Variants in EFCAB6 observed in about 807,000 individuals in gnomAD.
EFCAB6 encodes EF-hand calcium-binding domain-containing protein 6.
EFCAB6 carries 156 observed loss-of-function variants against 169.8 expected under a neutral mutation model. The observed-to-expected ratio is 0.92, with a 90% CI of 0.81 to 1.05. The LOEUF is 1.05. Among genes scored for constraint, EFCAB6 ranks in the 50% least tolerant of loss-of-function variants. The pLI is 0.00. For missense variants in EFCAB6, 1,800 were observed against 1,829.1 expected (o/e 0.98, Z 0.29); for synonymous variants, 698 against 676.4 (o/e 1.03, Z -0.50).
rs140180581 is a variant in EFCAB6, at chr22:43,643,694, G to A, written c.1984-8478C>T. Among the ~76,000 whole-genome samples, 316 of 152,354 alleles carry A rather than the reference G, an allele frequency of 2.1e-3. 1 individual carries two copies. Among genetic ancestry groups the A allele is most frequent in the African/African-American group, 7.4e-3 (307 of 41,586 alleles). On this transcript the variant is annotated intron_variant, in intron 17 of 31. Transcript: ENST00000262726. ...GCACCGTCCACAGAGGACACACTAG[G>A]TTTGTTTCTTCACCAACTGTTGTGT...
At chr22:43,668,216 A>G (rs942272317) in intron 16 of EFCAB6, among the ~76,000 whole-genome samples, 1 of 152,248 alleles carries the variant, frequency 6.6e-6, no homozygotes, top group Non-Finnish European at 1.5e-5. Flanking sequence ...TAAAAGGGCT[A>G]TGACAAAGTG....
chr22:43,741,296 C>T (rs1038694875), intron 6 of EFCAB6, among the ~76,000 whole-genome samples: 2 of 151,972 alleles, frequency 1.3e-5, no homozygotes, highest in Non-Finnish European at 2.9e-5. Context: ...CCGCTATGAG[C>T]TCCTATTTAT....
intron 20 of EFCAB6, among the ~76,000 whole-genome samples, chr22:43,617,364 A>T (rs1024557174): frequency 1.3e-5 from 2 of 152,224 alleles, no homozygotes; most frequent in Non-Finnish European, 2.9e-5. Context: ...GTGCTATCTC[A>T]GCAAAGTCAG....
intron 25 of EFCAB6, among the ~76,000 whole-genome samples, chr22:43,580,054 G>A (rs1472728227): frequency 2.6e-5 from 4 of 152,088 alleles, no homozygotes; most frequent in Admixed American, 2.6e-4. Context: ...CTTGCTCCTG[G>A]AGGACTTCAC....
intron 17 of EFCAB6, among the ~76,000 whole-genome samples, chr22:43,657,831 A>G (rs2056820702): frequency 6.6e-6 from 1 of 152,220 alleles, no homozygotes; most frequent in African/African-American, 2.4e-5. Flanking sequence ...AAGACTAACA[A>G]AACTGACAGA....
chr22:43,597,374 T>C (rs529640811), intron 23 of EFCAB6, among the ~76,000 whole-genome samples: 78 of 152,162 alleles, frequency 5.1e-4, no homozygotes, highest in Middle Eastern at 3.4e-3. Flanking sequence ...CCAGAATATA[T>C]GAGGAACTCT....
intron 10 of EFCAB6, among the ~76,000 whole-genome samples, chr22:43,692,096 T>G (rs2147191756): frequency 6.6e-6 from 1 of 151,064 alleles, no homozygotes; most frequent in Middle Eastern, 3.4e-3. Flanking sequence ...ATCCCCAAAT[T>G]CTATCTAACT....
At chr22:43,685,511 A>T (rs1379655448) in intron 11 of EFCAB6, among the ~76,000 whole-genome samples, 1 of 152,222 alleles carries the variant, frequency 6.6e-6, no homozygotes, top group Non-Finnish European at 1.5e-5. Context: ...TTAGTGTGTG[A>T]GCATTGTGTG....
rs751791814 is a variant in EFCAB6 at position 43,530,928 on chromosome 22, CAGAGT to C, written c.4265_4269del (p.Tyr1422CysfsTer24). 234 of 1,614,214 alleles carry C rather than the reference CAGAGT, an allele frequency of 1.4e-4. 2 individuals carry two copies. The East Asian group carries it at 4.7e-3, about 33-fold the overall frequency. Reference sequence around the variant, plus strand: ...ATTTTGGGCTGAATACGCAGCAGAGCAGAGTAAAAAGATGGCGTCTCCGCGCCGGC... The same window carrying C: ...ATTTTGGGCTGAATACGCAGCAGAGCAAAAAGATGGCGTCTCCGCGCCGGC... On this transcript the variant is annotated frameshift_variant, in exon 31 of 32. Coordinates refer to ENST00000262726, the MANE Select transcript of EFCAB6 (RefSeq NM_022785.4). LOFTEE classifies it high-confidence loss of function.
At chr22:43,812,119 C>T (rs886188046) in intron 1 of EFCAB6, 49 bp downstream of exon 1, 59 of 152,322 alleles carry the variant, frequency 3.9e-4, no homozygotes, top group African/African-American at 1.2e-3. Flanking sequence ...CCCGCCCGGC[C>T]CCTCCTCGGC....
chr22:43,736,537 T>C (rs1396270727), intron 6 of EFCAB6, among the ~76,000 whole-genome samples: 1 of 152,128 alleles, frequency 6.6e-6, no homozygotes, highest in Non-Finnish European at 1.5e-5. Flanking sequence ...CCTGTGGATC[T>C]GCAGGGAGCA....
chr22:43,566,453 C>A (rs2049435770), intron 26 of EFCAB6, among the ~76,000 whole-genome samples: 1 of 152,196 alleles, frequency 6.6e-6, no homozygotes, highest in Non-Finnish European at 1.5e-5. Context: ...TACCAGTGGC[C>A]TTCCTTCCTG....
intron 6 of EFCAB6, among the ~76,000 whole-genome samples, chr22:43,747,429 G>C (rs908000993): frequency 6.6e-6 from 1 of 152,194 alleles, no homozygotes; most frequent in Non-Finnish European, 1.5e-5. Context: ...CAAATCTGCA[G>C]GACCTAGTGG....
At chr22:43,647,254 T>C (rs1037076548) in intron 17 of EFCAB6, among the ~76,000 whole-genome samples, 2 of 151,928 alleles carry the variant, frequency 1.3e-5, no homozygotes, top group East Asian at 3.9e-4. Flanking sequence ...AGAATTTATT[T>C]AGGGAAAAAA....
At chr22:43,530,110 G>A (rs2046969798) in intron 31 of EFCAB6, among the ~76,000 whole-genome samples, 1 of 152,210 alleles carries the variant, frequency 6.6e-6, no homozygotes, top group Non-Finnish European at 1.5e-5. Context: ...CATCTGATCT[G>A]TGACTCTGTG....
intron 26 of EFCAB6, among the ~76,000 whole-genome samples, chr22:43,566,404 G>C (rs901564292): frequency 6.6e-6 from 1 of 152,206 alleles, no homozygotes; most frequent in Non-Finnish European, 1.5e-5. Context: ...CAAGCTTCAA[G>C]TGAATTCAAC....
intron 17 of EFCAB6, among the ~76,000 whole-genome samples, chr22:43,666,733 C>T (rs2057279093): frequency 9.1e-6 from 1 of 110,074 alleles, no homozygotes; most frequent in African/African-American, 3.3e-5. Flanking sequence ...GAGGAACAAA[C>T]CATAGCTCTG....
chr22:43,600,035 C>T (rs1469108883), intron 23 of EFCAB6, 34 bp downstream of exon 23: 1 of 1,598,870 alleles, frequency 6.3e-7, no homozygotes, highest in Non-Finnish European at 8.5e-7. Context: ...AAGGGGACTT[C>T]TAGATGATGG....
intron 6 of EFCAB6, among the ~76,000 whole-genome samples, chr22:43,747,678 C>T (rs2060615032): frequency 6.6e-6 from 1 of 152,128 alleles, no homozygotes; most frequent in African/African-American, 2.4e-5. Context: ...ACCCTGTGCC[C>T]TCCTGCCTGC....
Sources: gnomAD v4.1 joint callset for allele counts (sites outside exome capture counted in the v4.1 genomes callset) on GRCh38, gnomAD v4.1.1 for gene constraint, MANE v1.5 for transcripts, NCBI Gene and HGNC (gene_info 2026-07-23, HGNC 2026-07-21) for gene names.